The following BICC1 variants were observed in gnomAD, a reference collection of about 807,000 sequenced individuals.
The protein encoded by BICC1 is protein bicaudal C homolog 1.
A neutral mutation model predicts 111.0 loss-of-function variants in BICC1; 43 were observed. That is an observed-to-expected ratio of 0.39 (90% CI 0.30 to 0.50). The LOEUF is 0.50. Ranked by LOEUF, BICC1 falls within the 20% of genes least tolerant of loss-of-function variation. The probability of loss-of-function intolerance (pLI) is 0.88; values close to 1 mark genes in which losing one functional copy is unlikely to be tolerated. For missense variants in BICC1, 1,091 were observed against 1,203.2 expected (o/e 0.91, Z 1.38); for synonymous variants, 467 against 434.4 (o/e 1.07, Z -0.93).
chr10:58,521,899 G>A (rs1164697890), intron 1 of BICC1, among the ~76,000 whole-genome samples: 2 of 147,748 alleles, frequency 1.4e-5, no homozygotes, highest in East Asian at 4.1e-4. Flanking sequence ...AGAATCTTTT[G>A]TGAGTCTAAT....
At chr10:58,788,260 CTG>C in intron 5 of BICC1, 108 bp from the exon 6 acceptor site, 1 of 747,178 alleles carries the variant, frequency 1.3e-6, no homozygotes, top group Non-Finnish European at 2.3e-6. Context: ...GATAATACCT[CTG>C]TATTTGTCCC....
rs1329805000 is a variant in BICC1 at position 58,819,836 on chromosome 10, A to C, written c.2695-533A>C. Among the ~76,000 whole-genome samples the C allele has an allele frequency of 2.0e-5, 3 of 152,104 alleles. No homozygotes were observed. The East Asian group carries it at 5.8e-4, about 29-fold the overall frequency. ...CTTCATGCTTTGTTCCTGATGCCAG[A>C]CAGTGCAGTTTTATAGTTCCTGCAA... is the stretch of plus-strand genomic sequence containing the variant. On this transcript the variant is annotated intron_variant, in intron 19 of 20. Transcript: ENST00000373886.
At chr10:58,615,343 G>A (rs1272023540) in intron 1 of BICC1, among the ~76,000 whole-genome samples, 3 of 152,142 alleles carry the variant, frequency 2.0e-5, no homozygotes, top group Non-Finnish European at 2.9e-5. Flanking sequence ...TGGATGTGCC[G>A]CAGTCAAGAA....
intron 3 of BICC1, among the ~76,000 whole-genome samples, chr10:58,726,480 C>T (rs796613309): frequency 3.3e-5 from 5 of 152,300 alleles, no homozygotes; most frequent in African/African-American, 9.6e-5. Context: ...GTTCATCCAT[C>T]TGGGCAACCC....
chr10:58,708,684 C>T (rs1365448867), intron 3 of BICC1, among the ~76,000 whole-genome samples: 2 of 150,280 alleles, frequency 1.3e-5, no homozygotes, highest in African/African-American at 4.9e-5. Flanking sequence ...TTTTACTATG[C>T]AAATGGGGTC....
At chr10:58,588,999 CT>C (rs1227782612) in intron 1 of BICC1, among the ~76,000 whole-genome samples, 6 of 152,074 alleles carry the variant, frequency 3.9e-5, no homozygotes, top group African/African-American at 1.4e-4. Context: ...GTTGGTCACC[CT>C]AGTCCCTGTG....
At chr10:58,691,828 A>C (rs748663890) in intron 2 of BICC1, among the ~76,000 whole-genome samples, 1 of 152,170 alleles carries the variant, frequency 6.6e-6, no homozygotes, top group African/African-American at 2.4e-5. Flanking sequence ...TATCATGCAC[A>C]TATTTCCTGG....
chr10:58,696,311 GA>G (rs1026005762), intron 2 of BICC1, among the ~76,000 whole-genome samples: 5 of 149,880 alleles, frequency 3.3e-5, no homozygotes, highest in Non-Finnish European at 4.4e-5. Flanking sequence ...TTTTCATGAT[GA>G]AAAAAAAACT....
At chr10:58,600,180 C>G (rs1371411118) in intron 1 of BICC1, among the ~76,000 whole-genome samples, 1 of 152,126 alleles carries the variant, frequency 6.6e-6, no homozygotes, top group Non-Finnish European at 1.5e-5. Context: ...TTTGAGACAT[C>G]AGCTCCCAGC....
intron 2 of BICC1, among the ~76,000 whole-genome samples, chr10:58,667,342 T>C (rs943935708): frequency 6.6e-6 from 1 of 152,062 alleles, no homozygotes; most frequent in African/African-American, 2.4e-5. Context: ...AAAGTGAAGG[T>C]ATGAGGTATT....
intron 1 of BICC1, among the ~76,000 whole-genome samples, chr10:58,548,960 G>C (rs1843215800): frequency 6.6e-6 from 1 of 151,906 alleles, no homozygotes; most frequent in Non-Finnish European, 1.5e-5. Flanking sequence ...CCTGGGCTCA[G>C]GTGATTTTTC....
chr10:58,579,560 C>G (rs576565691), intron 1 of BICC1, among the ~76,000 whole-genome samples: 3 of 152,312 alleles, frequency 2.0e-5, no homozygotes, highest in Admixed American at 2.0e-4. Context: ...ATTTTACAAT[C>G]CATCCCCTGG....
intron 2 of BICC1, among the ~76,000 whole-genome samples, chr10:58,682,621 A>T (rs76165567): frequency 0.25 from 37,591 of 152,172 alleles, 5,765 homozygotes; most frequent in African/African-American, 0.43. Flanking sequence ...ATGGCCAGTG[A>T]TGATGAGCAT....
intron 1 of BICC1, among the ~76,000 whole-genome samples, chr10:58,566,660 A>G (rs541617938): frequency 2.0e-5 from 3 of 151,990 alleles, no homozygotes; most frequent in Non-Finnish European, 2.9e-5. Context: ...CCCCATCATC[A>G]TCTATTATTT....
At chr10:58,633,532 T>C (rs192635811) in intron 2 of BICC1, among the ~76,000 whole-genome samples, 1 of 152,346 alleles carries the variant, frequency 6.6e-6, no homozygotes, top group Non-Finnish European at 1.5e-5. Flanking sequence ...AAACATGAGT[T>C]TTCAGCTATT....
At chr10:58,573,351 G>A (rs1031516726) in intron 1 of BICC1, among the ~76,000 whole-genome samples, 2 of 152,130 alleles carry the variant, frequency 1.3e-5, no homozygotes, top group Non-Finnish European at 2.9e-5. Flanking sequence ...TGAAGATACT[G>A]ATTTTGCAAG....
chr10:58,738,348 C>A (rs1201280967), intron 3 of BICC1, among the ~76,000 whole-genome samples: 2 of 151,198 alleles, frequency 1.3e-5, no homozygotes, highest in Non-Finnish European at 3.0e-5. Context: ...AATAGGGAAC[C>A]TTTCCCCATT....
chr10:58,678,757 T>G (rs889307793), intron 2 of BICC1, among the ~76,000 whole-genome samples: 3 of 152,112 alleles, frequency 2.0e-5, no homozygotes, highest in African/African-American at 7.2e-5. Context: ...CACATCACAC[T>G]TATTCTAAAA....
chr10:58,611,347 T>C (rs940151542), intron 1 of BICC1, among the ~76,000 whole-genome samples: 1 of 152,218 alleles, frequency 6.6e-6, no homozygotes, highest in Non-Finnish European at 1.5e-5. Flanking sequence ...CCTTTCAGTC[T>C]TTTTTCTAAC....
Sources: allele counts gnomAD v4.1 joint callset (sites outside exome capture counted in the v4.1 genomes callset), GRCh38; gene constraint gnomAD v4.1.1; transcripts MANE v1.5; gene names NCBI Gene and HGNC (gene_info 2026-07-23, HGNC 2026-07-21).